Variants in PAX7 observed in about 807,000 individuals in gnomAD.
The protein encoded by PAX7 is paired box 7.
In PAX7, 18 loss-of-function variants were observed where a neutral mutation model predicts 50.7. The observed-to-expected ratio is 0.36, with a 90% CI of 0.25 to 0.53. The LOEUF is 0.53. Ranked by LOEUF, PAX7 falls within the 20% of genes least tolerant of loss-of-function variation. The pLI, the probability that PAX7 is intolerant of heterozygous loss-of-function variation, is 0.93. For missense variants in PAX7, 644 were observed against 702.9 expected, an observed-to-expected ratio of 0.92 and a Z score of 0.95; for synonymous variants, 310 against 290.4, an observed-to-expected ratio of 1.07 and a Z score of -0.69.
At chr1:18,648,562 G>A (rs1175989518) in intron 4 of PAX7, among the ~76,000 whole-genome samples, 1 of 151,938 alleles carries the variant, frequency 6.6e-6, no homozygotes, top group East Asian at 1.9e-4. Context: ...GGGCTGTTCT[G>A]GAACTCTTGG....
intron 4 of PAX7, among the ~76,000 whole-genome samples, chr1:18,641,777 G>A (rs1410890510): frequency 6.6e-6 from 1 of 152,230 alleles, no homozygotes; most frequent in Admixed American, 6.5e-5. Flanking sequence ...GTATTGGGAA[G>A]TTATTTAGAT....
In PAX7 at chr1:18,745,718, C is replaced by G. The variant is rs186572332; in HGVS notation, c.*789C>G. 4 of 231,530 alleles carry G rather than the reference C, an allele frequency of 1.7e-5. No individual in the cohort carries two copies. In the East Asian group the frequency reaches 2.4e-4, roughly 14 times the overall value. The allele number at this position is 231,530 out of a possible 1,614,324, so 14.3% of individuals were successfully genotyped here. Reference sequence around the variant, plus strand: ...CTCAGGCTTCTGGAAGCAGAGGGCTCTTATCCTGAAGCCCAAGTTCCCAGC... The same window carrying G: ...CTCAGGCTTCTGGAAGCAGAGGGCTGTTATCCTGAAGCCCAAGTTCCCAGC... On this transcript the variant is annotated 3_prime_UTR_variant, in exon 9 of 9. Coordinates refer to ENST00000420770, the MANE Select transcript of PAX7 (RefSeq NM_001135254.2).
chr1:18,696,500 G>T (rs2089152171), intron 5 of PAX7, among the ~76,000 whole-genome samples: 1 of 152,190 alleles, frequency 6.6e-6, no homozygotes, highest in African/African-American at 2.4e-5. Flanking sequence ...AAACTGAGAT[G>T]TAGCTAAGGA....
rs527419993 is a variant in PAX7, at chr1:18,701,369, T to C, written c.952+551T>C. Among the ~76,000 whole-genome samples the C allele has an allele frequency of 9.2e-4, 140 of 151,568 alleles. 2 individuals carry two copies. The highest frequency in any genetic ancestry group is 3.1e-3 in the South Asian group (15 of 4,774). ...GAGTGCATGAGTGTGTGCGTATGAG[T>C]GAGTGAATGAGTGTGTGTGGGTGTG... On this transcript the variant is annotated intron_variant, in intron 6 of 8. Transcript: ENST00000420770.
At chr1:18,725,991 TGTGCGC>T (rs1030528204) in intron 7 of PAX7, among the ~76,000 whole-genome samples, 6 of 143,208 alleles carry the variant, frequency 4.2e-5, no homozygotes, top group Non-Finnish European at 7.6e-5. Context: ...TGTGTGTGTG[TGTGCGC>T]GCGCGCGCGT....
intron 6 of PAX7, among the ~76,000 whole-genome samples, chr1:18,701,801 A>T (rs2089225379): frequency 6.6e-6 from 1 of 151,890 alleles, no homozygotes; most frequent in Admixed American, 6.5e-5. Context: ...AGTGGCTTGA[A>T]GTATAAGATT....
intron 3 of PAX7, among the ~76,000 whole-genome samples, chr1:18,635,808 G>C (rs1439694276): frequency 6.6e-6 from 1 of 151,082 alleles, no homozygotes; most frequent in African/African-American, 2.4e-5. Flanking sequence ...GATCTGTTGT[G>C]TGTGTGTGTG....
intron 7 of PAX7, among the ~76,000 whole-genome samples, chr1:18,725,319 C>A (rs889630989): frequency 7.0e-6 from 1 of 142,304 alleles, no homozygotes; most frequent in Non-Finnish European, 1.5e-5. Flanking sequence ...CCCCGCCCCA[C>A]CAACACCGCC....
At chr1:18,686,503 C>T (rs1470867366) in intron 4 of PAX7, among the ~76,000 whole-genome samples, 1 of 152,192 alleles carries the variant, frequency 6.6e-6, no homozygotes. Context: ...TTCACTCCCC[C>T]CACGTCCCCC....
At chr1:18,714,930 A>G (rs1005045219) in intron 7 of PAX7, among the ~76,000 whole-genome samples, 3 of 152,228 alleles carry the variant, frequency 2.0e-5, no homozygotes, top group African/African-American at 7.2e-5. Flanking sequence ...GACAGAAGGA[A>G]AGAAAATGAG....
rs1292697130 is a variant in PAX7 at position 18,695,647 on chromosome 1, G to T, written c.786+3694G>T. ...GAGCCACATGAAGGGCAGCCAAGGG[G>T]GTGTCAGGCAGGAGAACCCATGCCT... On this transcript the variant is annotated intron_variant, in intron 5 of 8. Transcript: ENST00000420770. Among the ~76,000 whole-genome samples, 6 of 152,296 alleles carry T rather than the reference G, an allele frequency of 3.9e-5. No homozygotes were observed. In the East Asian group the frequency reaches 1.2e-3, roughly 29 times the overall value.
intron 4 of PAX7, among the ~76,000 whole-genome samples, chr1:18,673,838 C>A (rs2088787595): frequency 6.6e-6 from 1 of 152,148 alleles, no homozygotes; most frequent in Non-Finnish European, 1.5e-5. Context: ...TTTGGGGGCC[C>A]TCTGAGCAGC....
chr1:18,659,819 G>A (rs1049995562), intron 4 of PAX7, among the ~76,000 whole-genome samples: 5 of 152,148 alleles, frequency 3.3e-5, no homozygotes, highest in African/African-American at 1.2e-4. Flanking sequence ...CTACCCCCTG[G>A]CGTGTAAGGA....
intron 8 of PAX7, among the ~76,000 whole-genome samples, chr1:18,738,335 C>T (rs1313995513): frequency 6.6e-6 from 1 of 152,180 alleles, no homozygotes; most frequent in Non-Finnish European, 1.5e-5. Flanking sequence ...GCAGCGGCAG[C>T]CCCGGCCTGG....
At chr1:18,724,913 A>G (rs759735261) in intron 7 of PAX7, among the ~76,000 whole-genome samples, 3 of 152,218 alleles carry the variant, frequency 2.0e-5, no homozygotes, top group Non-Finnish European at 4.4e-5. Flanking sequence ...TGACGAAGGC[A>G]ATACACATCC....
chr1:18,740,953 G>A (rs1931097076), intron 8 of PAX7, among the ~76,000 whole-genome samples: 1 of 152,202 alleles, frequency 6.6e-6, no homozygotes, highest in African/African-American at 2.4e-5. Flanking sequence ...TGATCTCATG[G>A]AGGTAGAGAG....
At chr1:18,721,268 A>G (rs688668) in intron 7 of PAX7, among the ~76,000 whole-genome samples, 40,435 of 152,042 alleles carry the variant, frequency 0.27, 5,794 homozygotes, top group East Asian at 0.42. Context: ...CCCTTTTGCC[A>G]AGTGTTTTCC....
chr1:18,734,001 C>A (rs1419191115), intron 7 of PAX7, among the ~76,000 whole-genome samples: 1 of 152,134 alleles, frequency 6.6e-6, no homozygotes, highest in Non-Finnish European at 1.5e-5. Context: ...GGGATACTCC[C>A]GAGGTTACAC....
chr1:18,669,941 G>A (rs760597173), intron 4 of PAX7, among the ~76,000 whole-genome samples: 1 of 152,040 alleles, frequency 6.6e-6, no homozygotes, highest in Non-Finnish European at 1.5e-5. Context: ...AAAATTAGCT[G>A]GGCGTGGTGG....
Sources: gnomAD v4.1 joint callset for allele counts (sites outside exome capture counted in the v4.1 genomes callset) on GRCh38, gnomAD v4.1.1 for gene constraint, MANE v1.5 for transcripts, NCBI Gene and HGNC (gene_info 2026-07-23, HGNC 2026-07-21) for gene names.